Variants in SMU1 observed in about 807,000 individuals in gnomAD.
SMU1 encodes the protein WD40 repeat-containing protein SMU1.
SMU1 carries 2 observed loss-of-function variants against 62.0 expected under a neutral mutation model. The ratio of observed to expected loss-of-function variants is 0.03; its 90% CI spans 0.01 to 0.10. SMU1 has a LOEUF of 0.10. Among genes scored for constraint, SMU1 ranks in the 10% least tolerant of loss-of-function variants. The probability of loss-of-function intolerance (pLI) is 1.00; values close to 1 mark genes in which losing one functional copy is unlikely to be tolerated. For missense variants in SMU1, 227 were observed against 622.1 expected, an observed-to-expected ratio of 0.36 and a Z score of 6.76; for synonymous variants, 188 against 212.4, an observed-to-expected ratio of 0.89 and a Z score of 1.00.
intron 4 of SMU1, among the ~76,000 whole-genome samples, chr9:33,065,136 A>G (rs1043900844): frequency 1.3e-5 from 2 of 152,194 alleles, no homozygotes; most frequent in African/African-American, 4.8e-5. Context: ...AATTTTAGCC[A>G]AAACCTCTAG....
chr9:33,069,196 C>A (rs1366104950), intron 3 of SMU1, among the ~76,000 whole-genome samples: 1 of 152,118 alleles, frequency 6.6e-6, no homozygotes. Context: ...AGTTCCTGGC[C>A]AAAGGACACA....
intron 6 of SMU1, 121 bp downstream of exon 6, chr9:33,060,344 G>C (rs953642713): frequency 1.1e-6 from 1 of 869,804 alleles, no homozygotes; most frequent in Non-Finnish European, 1.7e-6. Flanking sequence ...AATTACAAAA[G>C]TAATACATGT....
At position 33,043,333 on chromosome 9, in the gene SMU1, A is replaced by C. The variant is rs1322913097; in HGVS notation, c.*3960T>G. On this transcript the variant is annotated 3_prime_UTR_variant, in exon 12 of 12. Transcript: ENST00000397149. ...TTTATCATTTAAATTTGGTTATCTC[A>C]GCATGAAACTTCTGAGACTGACAGC... 6.6e-6 allele frequency: 1 copy of C among 152,228 alleles called. No individual in the cohort carries two copies. Among genetic ancestry groups the C allele is most frequent in the Non-Finnish European group, 1.5e-5 (1 of 68,028 alleles). The allele number at this position is 152,228 out of a possible 1,614,324, so 9.4% of individuals were successfully genotyped here.
Position 33,042,430 on chromosome 9 carries a change from C to G in SMU1, c.*4863G>C, listed in dbSNP as rs1056655867. ...ATCCACAAAAATACAAGTTCCAGCA[C>G]TAACTCTGCTTTCTCTGTGATGCTT... On this transcript the variant is annotated 3_prime_UTR_variant, in exon 12 of 12. Coordinates refer to ENST00000397149, the MANE Select transcript of SMU1 (RefSeq NM_018225.3). The G allele has an allele frequency of 3.3e-5, 5 of 152,616 alleles. No homozygotes were observed. The highest frequency in any genetic ancestry group is 1.2e-4 in the African/African-American group (5 of 41,452). 9.5% of individuals were successfully genotyped at this position (152,616 alleles called of 1,614,324 possible). A position where few individuals can be genotyped will look rare whatever the true frequency, so the allele number is the denominator to read the frequency against.
intron 4 of SMU1, 23 bp from the exon 5 acceptor site, chr9:33,062,200 A>G (rs747322884): frequency 1.9e-5 from 30 of 1,580,072 alleles, no homozygotes; most frequent in Non-Finnish European, 2.6e-5. Context: ...AAAAAAATAT[A>G]GCAATCTGTT....
At chr9:33,050,088 C>G (rs1303550870) in intron 10 of SMU1, among the ~76,000 whole-genome samples, 1 of 152,082 alleles carries the variant, frequency 6.6e-6, no homozygotes, top group Non-Finnish European at 1.5e-5. Flanking sequence ...AAAAATGAGT[C>G]AAATACCTGA....
intron 4 of SMU1, among the ~76,000 whole-genome samples, chr9:33,062,524 C>T (rs927280218): frequency 1.3e-5 from 2 of 152,120 alleles, no homozygotes; most frequent in Admixed American, 1.3e-4. Flanking sequence ...TACTACCTTC[C>T]AATCTTCCCC....
rs1839197627 is a variant in SMU1, at chr9:33,047,365, A to G, written c.1470T>C (p.Ile490=). 2 of 1,613,806 alleles carry G rather than the reference A, an allele frequency of 1.2e-6. No individual in the cohort carries two copies. Among genetic ancestry groups the G allele is most frequent in the African/African-American group, 1.3e-5 (1 of 74,932 alleles). Residue 490 remains isoleucine, a synonymous_variant, in exon 12 of 12, where the codon ATT becomes ATC. Transcript: ENST00000397149. Reference sequence around the variant, plus strand: ...TCAGGTTCTGATGAGGGTGATGTGCAATACCAATCACATCCTTCTCGTGCA... The same window carrying G: ...TCAGGTTCTGATGAGGGTGATGTGCGATACCAATCACATCCTTCTCGTGCA... ...LTVHEKDVIG[I]AHHPHQNLIA...
chr9:33,064,742 C>CTT (rs869041104), intron 4 of SMU1, among the ~76,000 whole-genome samples: 1 of 141,324 alleles, frequency 7.1e-6, no homozygotes, highest in East Asian at 2.0e-4. Flanking sequence ...TATATTTTTT[C>CTT]TTTTTTTTTT....
intron 7 of SMU1, among the ~76,000 whole-genome samples, chr9:33,057,193 A>G (rs1839313316): frequency 1.3e-5 from 2 of 152,214 alleles, no homozygotes; most frequent in Non-Finnish European, 2.9e-5. Context: ...TATAGACTCT[A>G]AGTTCACTTA....
chr9:33,075,189 A>C (rs1351442842), intron 1 of SMU1, among the ~76,000 whole-genome samples: 2 of 152,206 alleles, frequency 1.3e-5, no homozygotes, highest in African/African-American at 2.4e-5. Context: ...ATCCTGGCTA[A>C]CACGGTGAAA....
chr9:33,053,444 G>T, intron 9 of SMU1, 154 bp from the exon 10 acceptor site: 1 of 245,292 alleles, frequency 4.1e-6, no homozygotes, highest in Non-Finnish European at 6.5e-6. Context: ...CAAATACCCA[G>T]CACTGCCATA....
At chr9:33,076,065 C>G (rs1839542627) in intron 1 of SMU1, among the ~76,000 whole-genome samples, 1 of 152,140 alleles carries the variant, frequency 6.6e-6, no homozygotes, top group Non-Finnish European at 1.5e-5. Context: ...GACACTGAGA[C>G]CACAAGGAAA....
intron 4 of SMU1, 72 bp from the exon 5 acceptor site, chr9:33,062,249 C>A: frequency 2.0e-6 from 3 of 1,525,780 alleles, no homozygotes; most frequent in Non-Finnish European, 2.6e-6. Flanking sequence ...GCTCAGAAAC[C>A]AAGCCCGAAA....
chr9:33,050,180 A>C lies in SMU1; in HGVS notation c.1291-1922T>G, dbSNP rs77565968. ...ACATGTGGAAATGCAAATTAAAATG[A>C]GATACCACTACACACCTATTATTTG... is the stretch of plus-strand genomic sequence containing the variant. On this transcript the variant is annotated intron_variant, in intron 10 of 11. Transcript: ENST00000397149. Among the ~76,000 whole-genome samples the C allele has an allele frequency of 2.8e-3, 419 of 152,314 alleles. 2 individuals carry two copies. Among genetic ancestry groups the C allele is most frequent in the African/African-American group, 9.7e-3 (404 of 41,572 alleles).
chr9:33,063,061 A>G (rs1839380472), intron 4 of SMU1, among the ~76,000 whole-genome samples: 1 of 152,142 alleles, frequency 6.6e-6, no homozygotes. Context: ...AAAAGTCGGG[A>G]AAAAAAGCCT....
rs183461261 is a variant in SMU1, at chr9:33,065,912, G to A, written c.501+2912C>T. 3.5e-3 allele frequency among the ~76,000 whole-genome samples: 532 copies of A among 152,308 alleles called. 2 individuals carry two copies. The highest frequency in any genetic ancestry group is 6.2e-3 in the South Asian group (30 of 4,828). On this transcript the variant is annotated intron_variant, in intron 4 of 11. Coordinates refer to ENST00000397149, the MANE Select transcript of SMU1 (RefSeq NM_018225.3). The stretch of plus-strand genomic sequence containing the variant: ...AAACTGGGGGCTTCAGTGTACACTG[G>A]TATGCTGAACAGTGAGATTTCTCTA...
At chr9:33,065,748 A>T (rs931740831) in intron 4 of SMU1, among the ~76,000 whole-genome samples, 2 of 152,102 alleles carry the variant, frequency 1.3e-5, no homozygotes, top group African/African-American at 4.8e-5. Flanking sequence ...AGCTACCACG[A>T]CTTCTCCCAA....
intron 2 of SMU1, among the ~76,000 whole-genome samples, chr9:33,073,093 A>G (rs955817604): frequency 6.6e-6 from 1 of 152,142 alleles, no homozygotes; most frequent in African/African-American, 2.4e-5. Flanking sequence ...GCTAGTTATC[A>G]GAAAGACTAA....
Sources: gnomAD v4.1 joint callset for allele counts (sites outside exome capture counted in the v4.1 genomes callset) on GRCh38, gnomAD v4.1.1 for gene constraint, MANE v1.5 for transcripts, NCBI Gene and HGNC (gene_info 2026-07-23, HGNC 2026-07-21) for gene names.